Variants in OR51B5 observed in about 807,000 individuals in gnomAD.
OR51B5 encodes olfactory receptor family 51 subfamily B member 5.
For synonymous variants in OR51B5, 186 were observed against 144.8 expected (o/e 1.28, Z -2.04); for missense variants, 456 against 374.6 (o/e 1.22, Z -1.79).
chr11:5,480,807 G>A (rs1851407019), intron 1 of OR51B5, among the ~76,000 whole-genome samples: 1 of 132,082 alleles, frequency 7.6e-6, no homozygotes, highest in Non-Finnish European at 1.6e-5. Flanking sequence ...GACTAAACCA[G>A]GAAGAAGTTG....
At chr11:5,493,024 G>A (rs960870029) in intron 1 of OR51B5, among the ~76,000 whole-genome samples, 2 of 152,260 alleles carry the variant, frequency 1.3e-5, no homozygotes, top group African/African-American at 4.8e-5. Flanking sequence ...CTGATCCACC[G>A]TTGAAAAATC....
At chr11:5,438,023 GT>G (rs145741202) in intron 1 of OR51B5, among the ~76,000 whole-genome samples, 9,440 of 152,208 alleles carry the variant, frequency 0.062, 359 homozygotes, top group East Asian at 0.13. Context: ...TTTCATTATT[GT>G]TATAGGATTG....
intron 1 of OR51B5, among the ~76,000 whole-genome samples, chr11:5,426,146 T>C (rs1046287615): frequency 7.2e-5 from 11 of 152,178 alleles, no homozygotes; most frequent in African/African-American, 2.2e-4. Context: ...TGTATTTAAA[T>C]AGAATCCTGG....
intron 1 of OR51B5, among the ~76,000 whole-genome samples, chr11:5,372,063 T>C (rs978445603): frequency 6.6e-6 from 1 of 152,112 alleles, no homozygotes; most frequent in Admixed American, 6.6e-5. Context: ...ATTCCCCCCA[T>C]CTCCTTTTTT....
At chr11:5,364,599 G>A (rs975269701) in intron 1 of OR51B5, among the ~76,000 whole-genome samples, 20 of 82,108 alleles carry the variant, frequency 2.4e-4, no homozygotes, top group Non-Finnish European at 4.1e-4. Flanking sequence ...AACTAAGCGT[G>A]AGAGGTATTT....
At chr11:5,416,205 G>C in intron 1 of OR51B5, among the ~76,000 whole-genome samples, 1 of 141,446 alleles carries the variant, frequency 7.1e-6, no homozygotes, top group South Asian at 2.5e-4. Flanking sequence ...ATGCAGAAAA[G>C]GCCTTTGACA....
chr11:5,454,902 G>A (rs1850927701), intron 1 of OR51B5: 1 of 153,526 alleles, frequency 6.5e-6, no homozygotes, highest in Non-Finnish European at 1.4e-5. Flanking sequence ...TCTCTCTCTA[G>A]TGTCAGTGCA....
At chr11:5,453,534 G>A in intron 1 of OR51B5, 4 of 1,594,868 alleles carry the variant, frequency 2.5e-6, no homozygotes, top group Non-Finnish European at 3.4e-6. Context: ...CCTCCTGACT[G>A]GTATCCCTGG....
chr11:5,391,141 CTCACACAAACA>C (rs1849788975), intron 1 of OR51B5: 1 of 152,224 alleles, frequency 6.6e-6, no homozygotes, highest in African/African-American at 2.4e-5. Context: ...GCCAAGGAAA[CTCACACAAACA>C]TATTGAAGTC....
chr11:5,383,139 G>A (rs556217828), intron 1 of OR51B5, among the ~76,000 whole-genome samples: 16 of 151,946 alleles, frequency 1.1e-4, no homozygotes, highest in Admixed American at 2.6e-4. Flanking sequence ...AGAAAAGAAG[G>A]AAAAAAGTTT....
At chr11:5,345,355 C>T (rs1848975142), upstream of OR51B5, among the ~76,000 whole-genome samples, 1 of 151,760 alleles carries the variant, frequency 6.6e-6, no homozygotes, top group African/African-American at 2.4e-5. Context: ...AGGAGAGAAG[C>T]AGGGGAAATG....
chr11:5,456,584 T>G (rs1850964166), intron 1 of OR51B5: 1 of 152,146 alleles, frequency 6.6e-6, no homozygotes, highest in African/African-American at 2.4e-5. Flanking sequence ...AAATCAAACT[T>G]TGTTTTTGAA....
chr11:5,414,148 AT>A (rs1185241173), intron 1 of OR51B5, among the ~76,000 whole-genome samples: 2 of 151,876 alleles, frequency 1.3e-5, no homozygotes, highest in South Asian at 2.1e-4. Flanking sequence ...TAAGAAAAGA[AT>A]TTTCAACCCA....
intron 1 of OR51B5, among the ~76,000 whole-genome samples, chr11:5,476,300 A>G (rs888707895): frequency 6.6e-6 from 1 of 152,218 alleles, no homozygotes; most frequent in African/African-American, 2.4e-5. Flanking sequence ...TTGCATATCA[A>G]AATGGAGCCA....
intron 1 of OR51B5, among the ~76,000 whole-genome samples, chr11:5,379,441 C>T (rs901366959): frequency 3.3e-5 from 5 of 150,296 alleles, no homozygotes; most frequent in African/African-American, 9.8e-5. Context: ...GCACATGTAC[C>T]CTAAATCTTA....
intron 1 of OR51B5, among the ~76,000 whole-genome samples, chr11:5,368,102 G>C (rs1209358727): frequency 1.3e-5 from 2 of 152,106 alleles, no homozygotes; most frequent in Non-Finnish European, 2.9e-5. Context: ...CTCTTTCTTT[G>C]TTTTTTCCTC....
At chr11:5,477,836 T>C (rs1398484950) in intron 1 of OR51B5, among the ~76,000 whole-genome samples, 3 of 152,126 alleles carry the variant, frequency 2.0e-5, no homozygotes, top group African/African-American at 7.2e-5. Context: ...TGAGATTATA[T>C]CCCGCACCTG....
At chr11:5,384,203 C>G (rs888350407) in intron 1 of OR51B5, among the ~76,000 whole-genome samples, 2 of 152,022 alleles carry the variant, frequency 1.3e-5, no homozygotes, top group Non-Finnish European at 2.9e-5. Context: ...GAAATGAGGT[C>G]TAGCTCTGTT....
intron 1 of OR51B5, among the ~76,000 whole-genome samples, chr11:5,458,500 T>A (rs1181355337): frequency 1.3e-5 from 2 of 152,172 alleles, no homozygotes; most frequent in Non-Finnish European, 2.9e-5. Context: ...TGAGAAGATG[T>A]TGGTAGTTTG....
Sources: allele counts gnomAD v4.1 joint callset (sites outside exome capture counted in the v4.1 genomes callset), GRCh38; gene constraint gnomAD v4.1.1; transcripts MANE v1.5; gene names NCBI Gene and HGNC (gene_info 2026-07-23, HGNC 2026-07-21).